Variants in ZNF138 observed in about 807,000 individuals in gnomAD.
The protein encoded by ZNF138 is zinc finger protein 138 (clone pHZ-32).
ZNF138 carries 33 observed loss-of-function variants against 33.0 expected under a neutral mutation model. The observed-to-expected ratio is 1.00, with a 90% CI of 0.76 to 1.34. The LOEUF (loss-of-function observed/expected upper bound fraction) is 1.34. Ranked by LOEUF, ZNF138 falls within the 40% of genes most tolerant of loss-of-function variation. The pLI is 0.00. For synonymous variants in ZNF138, 139 were observed against 120.4 expected (o/e 1.15, Z -1.01); for missense variants, 360 against 370.8 (o/e 0.97, Z 0.24).
At chr7:64,860,353 G>T in the ZNF138 span, among the ~76,000 whole-genome samples, 1 of 152,026 alleles carries the variant, frequency 6.6e-6, no homozygotes, top group Non-Finnish European at 1.5e-5. Context: ...TCAATATTCT[G>T]TGCAATTAAT....
At chr7:64,846,037 GT>G in the ZNF138 span, among the ~76,000 whole-genome samples, 1 of 152,124 alleles carries the variant, frequency 6.6e-6, no homozygotes, top group Non-Finnish European at 1.5e-5. Flanking sequence ...CCCACTTTAT[GT>G]TTTTGTTTGC....
At chr7:64,847,280 A>G in the ZNF138 span, among the ~76,000 whole-genome samples, 1 of 148,690 alleles carries the variant, frequency 6.7e-6, no homozygotes, top group Non-Finnish European at 1.5e-5. Flanking sequence ...TGAGATCAGC[A>G]TGGCTTACAT....
chr7:64,831,796 A>C lies in ZNF138; in HGVS notation c.554A>C (p.His185Pro). 6.2e-7 allele frequency: 1 copy of C among 1,613,560 alleles called. No individual in the cohort carries two copies. The highest frequency in any genetic ancestry group is 1.3e-5 in the African/African-American group (1 of 75,028). The change falls in exon 4 of 4, where the codon CAT becomes CCT. Residue 185 changes from histidine to proline, a missense_variant. Transcript: ENST00000307355. ...SLCMLSRLTQ[H>P]KKIHTRENFY... ...TGCATGCTTTCACGCCTAACTCAAC[A>C]TAAAAAAATTCATACTAGAGAGAAT...
intron 1 of ZNF138, among the ~76,000 whole-genome samples, chr7:64,799,063 GT>G (rs1228822767): frequency 6.6e-6 from 1 of 151,934 alleles, no homozygotes; most frequent in Non-Finnish European, 1.5e-5. Flanking sequence ...TTTTAAAATA[GT>G]TTTTTTAGTT....
the ZNF138 span, among the ~76,000 whole-genome samples, chr7:64,844,258 G>T: frequency 6.6e-6 from 1 of 152,204 alleles, no homozygotes; most frequent in Non-Finnish European, 1.5e-5. Context: ...TTTAATGTTT[G>T]CTAGTTCCAG....
chr7:64,835,119 C>A (rs900457968), downstream of ZNF138, among the ~76,000 whole-genome samples: 1 of 151,940 alleles, frequency 6.6e-6, no homozygotes, highest in East Asian at 1.9e-4. Flanking sequence ...TGTGACACGC[C>A]CTAGTGGGCA....
At position 64,832,486 on chromosome 7, in the gene ZNF138, G is replaced by T; in HGVS notation, c.*284G>T. The T allele has an allele frequency of 8.6e-7, 1 of 1,165,310 alleles. No homozygotes were observed. Among genetic ancestry groups the T allele is most frequent in the Non-Finnish European group, 1.2e-6 (1 of 865,238 alleles). The allele number at this position is 1,165,310 out of a possible 1,614,324, so 72.2% of individuals were successfully genotyped here. On this transcript the variant is annotated 3_prime_UTR_variant, in exon 4 of 4. Coordinates refer to ENST00000307355, the MANE Select transcript of ZNF138 (RefSeq NM_001271639.2). ...AGTACACATAAGAAAATTCATACTG[G>T]GGAGAAACCCCACAAATGTGGAGAA...
In ZNF138 at chr7:64,805,411, C is replaced by CAA. The variant is rs372794890; in HGVS notation, c.4-9497_4-9496dup. On this transcript the variant is annotated intron_variant, in intron 1 of 3. Transcript: ENST00000307355. ...AAGACTCTGTCTCAAAAAAACAAAA[C>CAA]AAAAAAAAAAACTGAGGCTGAAACA... 3.9e-5 allele frequency among the ~76,000 whole-genome samples: 5 copies of CAA among 127,042 alleles called. No individual in the cohort carries two copies. In the East Asian group the frequency reaches 9.6e-4, roughly 24 times the overall value. The allele number at this position is 127,042 out of a possible 152,430, so 83.3% of individuals were successfully genotyped here.
chr7:64,808,213 C>A (rs1045517600), intron 1 of ZNF138, among the ~76,000 whole-genome samples: 4 of 152,130 alleles, frequency 2.6e-5, no homozygotes, highest in Admixed American at 1.3e-4. Flanking sequence ...ATGAGTCATC[C>A]TGTGTTTGTT....
At chr7:64,806,822 G>A (rs376613484) in intron 1 of ZNF138, among the ~76,000 whole-genome samples, 22 of 152,298 alleles carry the variant, frequency 1.4e-4, no homozygotes, top group African/African-American at 5.1e-4. Context: ...TTGTAAATAA[G>A]AATTTCTGGC....
chr7:64,812,653 T>C (rs1432753013), intron 1 of ZNF138, among the ~76,000 whole-genome samples: 1 of 152,134 alleles, frequency 6.6e-6, no homozygotes, highest in Non-Finnish European at 1.5e-5. Flanking sequence ...GAGTCTCTTC[T>C]GTTATAAAGG....
At chr7:64,851,232 C>A in the ZNF138 span, among the ~76,000 whole-genome samples, 4 of 152,130 alleles carry the variant, frequency 2.6e-5, no homozygotes, top group Admixed American at 1.3e-4. Flanking sequence ...TTTTGATCAA[C>A]CCCTCTCTGT....
Position 64,825,213 on chromosome 7 carries a change from C to T in ZNF138, c.209-6238C>T, listed in dbSNP as rs538729700. ...TTTGAGACGGAGTCTCGCACTGTCG[C>T]CCAGGCTGGAGTGCAGTGGCGCGAT... On this transcript the variant is annotated intron_variant, in intron 3 of 3. Transcript: ENST00000307355. 1.6e-4 allele frequency among the ~76,000 whole-genome samples: 18 copies of T among 115,804 alleles called. No individual in the cohort carries two copies. In the South Asian group the frequency reaches 5.0e-3, roughly 32 times the overall value. The allele number at this position is 115,804 out of a possible 152,430, so 76.0% of individuals were successfully genotyped here.
chr7:64,834,606 G>C (rs62458370), downstream of ZNF138, among the ~76,000 whole-genome samples: 6,653 of 152,234 alleles, frequency 0.044, 205 homozygotes, highest in East Asian at 0.14. Flanking sequence ...ACTAGTGAAA[G>C]CATGTGATCA....
intron 3 of ZNF138, among the ~76,000 whole-genome samples, chr7:64,818,534 G>A (rs1418749316): frequency 2.0e-5 from 3 of 151,836 alleles, no homozygotes; most frequent in Admixed American, 6.6e-5. Context: ...GGCAGATCAC[G>A]AGGCCAGGAG....
the ZNF138 span, among the ~76,000 whole-genome samples, chr7:64,848,704 A>ATTTTTTT: frequency 7.8e-5 from 8 of 102,610 alleles, no homozygotes; most frequent in Non-Finnish European, 1.3e-4. Context: ...ATTTTGGTGG[A>ATTTTTTT]TTTTTTTTTT....
intron 2 of ZNF138, 52 bp from the exon 3 acceptor site, chr7:64,815,524 A>C: frequency 6.5e-7 from 1 of 1,532,472 alleles, no homozygotes; most frequent in Non-Finnish European, 9.0e-7. Context: ...AATATGAGCC[A>C]GAGTCATGTT....
At chr7:64,859,964 C>T in the ZNF138 span, among the ~76,000 whole-genome samples, 1 of 152,114 alleles carries the variant, frequency 6.6e-6, no homozygotes, top group East Asian at 1.9e-4. Flanking sequence ...TGGTGAAACC[C>T]CATCTCTACT....
intron 3 of ZNF138, among the ~76,000 whole-genome samples, chr7:64,820,591 A>T (rs1789048769): frequency 6.6e-6 from 1 of 151,414 alleles, no homozygotes. Context: ...TGAGATGGAG[A>T]CTGGTTCTGT....
Sources: gnomAD v4.1 joint callset for allele counts (sites outside exome capture counted in the v4.1 genomes callset) on GRCh38, gnomAD v4.1.1 for gene constraint, MANE v1.5 for transcripts, NCBI Gene and HGNC (gene_info 2026-07-23, HGNC 2026-07-21) for gene names.